The following RAI2 variants were observed in gnomAD, a reference collection of about 807,000 sequenced individuals.
RAI2 encodes retinoic acid induced 2.
Under a neutral mutation model 15.3 loss-of-function variants are expected in RAI2, and 5 were observed. The ratio of observed to expected loss-of-function variants is 0.33; its 90% confidence interval spans 0.17 to 0.69. The LOEUF (loss-of-function observed/expected upper bound fraction) is 0.69. Ranked by LOEUF, RAI2 falls within the 30% of genes least tolerant of loss-of-function variation. The pLI is 0.69. For synonymous variants in RAI2, 191 were observed against 184.0 expected, an observed-to-expected ratio of 1.04 and a Z score of -0.31; for missense variants, 424 against 424.7, an observed-to-expected ratio of 1.00 and a Z score of 0.01.
At chrX:17,816,497 G>T (rs1173565157) in intron 1 of RAI2, among the ~76,000 whole-genome samples, 1 of 112,372 alleles carries the variant, frequency 8.9e-6, no homozygotes, top group Non-Finnish European at 1.9e-5. Context: ...CAGAACCTAG[G>T]ATTTCTCAGC....
intron 1 of RAI2, among the ~76,000 whole-genome samples, chrX:17,845,144 G>A (rs1267353395): frequency 8.9e-6 from 1 of 112,105 alleles, no homozygotes; most frequent in Non-Finnish European, 1.9e-5. Flanking sequence ...TGCCACAAAT[G>A]AACAAGAAGA....
chrX:17,844,424 G>C lies in RAI2; in HGVS notation c.-25+16674C>G, dbSNP rs141333722. On this transcript the variant is annotated intron_variant, in intron 1 of 1. Transcript: ENST00000451717. ...CTCTGACAGAGGCTTTAATAAGGCA[G>C]ATAAAGCAAGCTTGGTGGCTGCCTT... Among the ~76,000 whole-genome samples the C allele has an allele frequency of 4.3e-3, 480 of 112,765 alleles. 1 individual carries two copies. Among genetic ancestry groups the C allele is most frequent in the Admixed American group, 0.01 (112 of 10,695 alleles).
intron 1 of RAI2, among the ~76,000 whole-genome samples, chrX:17,844,796 T>C (rs1175745604): frequency 8.9e-6 from 1 of 112,431 alleles, no homozygotes; most frequent in Non-Finnish European, 1.9e-5. Context: ...CAGGGGCTGG[T>C]GCAGTCTGTG....
At chrX:17,803,767 C>A (rs1490718415) in intron 1 of RAI2, among the ~76,000 whole-genome samples, 1 of 110,540 alleles carries the variant, frequency 9.0e-6, no homozygotes, top group African/African-American at 3.3e-5. Context: ...GCGTGTCTCC[C>A]TCTGGAAGCC....
intron 1 of RAI2, among the ~76,000 whole-genome samples, chrX:17,822,590 T>C (rs2067179533): frequency 8.9e-6 from 1 of 112,164 alleles, no homozygotes; most frequent in African/African-American, 3.2e-5. Flanking sequence ...AATTACTGAC[T>C]TCCGAGAGCC....
chrX:17,858,882 G>A (rs2067653308), intron 1 of RAI2, among the ~76,000 whole-genome samples: 1 of 111,602 alleles, frequency 9.0e-6, no homozygotes, highest in South Asian at 3.8e-4. Context: ...GTGGCTGAAT[G>A]GTCCCCTGGG....
At position 17,802,005 on chromosome X, in the gene RAI2, G is replaced by A. The variant is rs751440963; in HGVS notation, c.6C>T (p.Asp2=). The A allele has an allele frequency of 5.8e-5, 69 of 1,193,114 alleles. No individual in the cohort carries two copies. Among genetic ancestry groups the A allele is most frequent in the South Asian group, 1.3e-4 (7 of 54,460 alleles). ...TGGAGAGGTTCTGGGACTGCAGGTC[G>A]TCCATCACTCAGCTCTGATGCCACT... The part of the protein sequence containing the change: M[D]DLQSQNLSMD... The change falls in exon 2 of 2, where the codon GAC becomes GAT. Residue 2 remains aspartate (D), a synonymous_variant. Coordinates refer to ENST00000451717, the MANE Select transcript of RAI2 (RefSeq NM_021785.6).
chrX:17,841,563 G>A (rs1436765664), intron 1 of RAI2, among the ~76,000 whole-genome samples: 1 of 112,464 alleles, frequency 8.9e-6, no homozygotes, highest in African/African-American at 3.2e-5. Context: ...CCATGTGTGT[G>A]GTCGAGATAG....
intron 1 of RAI2, among the ~76,000 whole-genome samples, chrX:17,817,011 G>A (rs905667503): frequency 9.0e-6 from 1 of 111,657 alleles, no homozygotes; most frequent in Non-Finnish European, 1.9e-5. Flanking sequence ...CAGGATGGAA[G>A]GGCCTGCATG....
intron 1 of RAI2, among the ~76,000 whole-genome samples, chrX:17,847,807 A>G (rs1454054992): frequency 8.9e-6 from 1 of 112,222 alleles, no homozygotes; most frequent in Non-Finnish European, 1.9e-5. Flanking sequence ...TGGAGTTAAC[A>G]GCGGGTTTGG....
chrX:17,800,231 T>C lies in RAI2; in HGVS notation c.*187A>G. On this transcript the variant is annotated 3_prime_UTR_variant, in exon 2 of 2. Coordinates refer to ENST00000451717, the MANE Select transcript of RAI2 (RefSeq NM_021785.6). ...AATAGGTTGCTCTTATTTACTCATT[T>C]GTGAAAAGTCAAAAATTAAAAAAGA... is the stretch of plus-strand genomic sequence containing the variant. The C allele has an allele frequency of 1.8e-6, 1 of 546,425 alleles. No homozygotes were observed. The allele number at this position is 546,425 out of a possible 1,213,427, so 45.0% of individuals were successfully genotyped here. A position where few individuals can be genotyped will look rare whatever the true frequency, so the allele number is the denominator to read the frequency against.
intron 1 of RAI2, among the ~76,000 whole-genome samples, chrX:17,826,745 G>A (rs766247892): frequency 6.8e-4 from 76 of 111,465 alleles, no homozygotes; most frequent in Admixed American, 4.7e-3. Context: ...GCTGGTTTCC[G>A]TGATAGTGAG....
chrX:17,846,586 TC>T (rs1187329255), intron 1 of RAI2, among the ~76,000 whole-genome samples: 1 of 112,231 alleles, frequency 8.9e-6, no homozygotes, highest in Non-Finnish European at 1.9e-5. Context: ...AAAAGGCTCT[TC>T]TGACCCATCA....
intron 1 of RAI2, among the ~76,000 whole-genome samples, chrX:17,839,855 T>C (rs1436712423): frequency 8.9e-6 from 1 of 112,396 alleles, no homozygotes; most frequent in Non-Finnish European, 1.9e-5. Flanking sequence ...TGTTCTGACA[T>C]GGAAAAAAAT....
At position 17,852,956 on chromosome X, in the gene RAI2, T is replaced by C. The variant is rs1055183246; in HGVS notation, c.-25+8142A>G. The stretch of plus-strand genomic sequence containing the variant: ...GCTGCTACAATCTGAAATGAGTCCA[T>C]TACAATATTACGAGCAGAGCTCTCA... On this transcript the variant is annotated intron_variant, in intron 1 of 1. Coordinates refer to ENST00000451717, the MANE Select transcript of RAI2 (RefSeq NM_021785.6). 3.6e-5 allele frequency among the ~76,000 whole-genome samples: 4 copies of C among 109,792 alleles called. No individual in the cohort carries two copies. In the Admixed American group the frequency reaches 3.9e-4, roughly 11 times the overall value.
intron 1 of RAI2, among the ~76,000 whole-genome samples, chrX:17,850,682 G>C (rs1201559685): frequency 8.9e-6 from 1 of 112,047 alleles, no homozygotes; most frequent in Non-Finnish European, 1.9e-5. Flanking sequence ...AGGTCTACTT[G>C]GGCCTCCTGG....
intron 1 of RAI2, among the ~76,000 whole-genome samples, chrX:17,840,408 T>C (rs1246825239): frequency 9.0e-6 from 1 of 111,229 alleles, no homozygotes; most frequent in Non-Finnish European, 1.9e-5. Context: ...TACTTGGAGT[T>C]GCATCTATCG....
chrX:17,840,158 G>A (rs184220298), intron 1 of RAI2, among the ~76,000 whole-genome samples: 149 of 111,851 alleles, frequency 1.3e-3, no homozygotes, highest in African/African-American at 4.5e-3. Context: ...TTTTCTAAGT[G>A]TCCATCACTG....
At chrX:17,805,137 T>G (rs777086731) in intron 1 of RAI2, among the ~76,000 whole-genome samples, 54 of 112,732 alleles carry the variant, frequency 4.8e-4, no homozygotes, top group Non-Finnish European at 8.8e-4. Context: ...AGGCTGGGCT[T>G]CCCAGGCTTC....
Sources: gnomAD v4.1 joint callset for allele counts (sites outside exome capture counted in the v4.1 genomes callset) on GRCh38, gnomAD v4.1.1 for gene constraint, MANE v1.5 for transcripts, NCBI Gene and HGNC (gene_info 2026-07-23, HGNC 2026-07-21) for gene names.